The following MCHR2 variants were observed in gnomAD, a reference collection of about 807,000 sequenced individuals.
MCHR2 encodes melanin-concentrating hormone receptor 2.
A neutral mutation model predicts 24.8 loss-of-function variants in MCHR2; 15 were observed. That is an observed-to-expected ratio of 0.60 (90% CI 0.40 to 0.93). MCHR2 has a LOEUF of 0.93. Among genes scored for constraint, MCHR2 ranks in the 40% least tolerant of loss-of-function variants. The probability of loss-of-function intolerance (pLI) is 0.00; values close to 1 mark genes in which losing one functional copy is unlikely to be tolerated. For missense variants in MCHR2, 386 were observed against 408.7 expected (o/e 0.94, Z 0.48); for synonymous variants, 151 against 147.6 (o/e 1.02, Z -0.17).
At chr6:99,931,686 C>T (rs4636037) in intron 5 of MCHR2, among the ~76,000 whole-genome samples, 24,875 of 152,084 alleles carry the variant, frequency 0.16, 2,199 homozygotes, top group Middle Eastern at 0.18. Context: ...CTAAGCCCGT[C>T]GGAAAAGCGC....
chr6:99,972,750 T>C (rs1775455801), intron 1 of MCHR2, among the ~76,000 whole-genome samples: 4 of 152,224 alleles, frequency 2.6e-5, no homozygotes. Context: ...CCAGAGATTC[T>C]GGTATGTTGT....
At chr6:99,964,376 A>G (rs1317376566) in intron 1 of MCHR2, among the ~76,000 whole-genome samples, 1 of 152,154 alleles carries the variant, frequency 6.6e-6, no homozygotes, top group Non-Finnish European at 1.5e-5. Flanking sequence ...TGTTATCACA[A>G]TGCTATGAAG....
intron 1 of MCHR2, among the ~76,000 whole-genome samples, chr6:99,957,011 A>T (rs1775076981): frequency 6.6e-6 from 1 of 151,942 alleles, no homozygotes; most frequent in Admixed American, 6.6e-5. Flanking sequence ...GCAACTTAAA[A>T]ATACTCAAGG....
chr6:99,959,508 C>T (rs568798811), intron 1 of MCHR2, among the ~76,000 whole-genome samples: 1 of 151,258 alleles, frequency 6.6e-6, no homozygotes, highest in South Asian at 2.1e-4. Context: ...ATCAAATGAG[C>T]CAAGTAAATT....
chr6:99,975,592 G>A (rs1775533073), intron 1 of MCHR2, among the ~76,000 whole-genome samples: 2 of 152,218 alleles, frequency 1.3e-5, no homozygotes, highest in Admixed American at 6.5e-5. Flanking sequence ...TGCACCCACT[G>A]TCTGGCACTC....
intron 1 of MCHR2, among the ~76,000 whole-genome samples, chr6:99,977,844 T>C (rs1195501314): frequency 6.6e-6 from 1 of 152,212 alleles, no homozygotes; most frequent in Non-Finnish European, 1.5e-5. Context: ...AGGCTACTGC[T>C]AGCTAATTCA....
intron 1 of MCHR2, among the ~76,000 whole-genome samples, chr6:99,959,153 G>T (rs1421379413): frequency 6.6e-6 from 1 of 152,068 alleles, no homozygotes; most frequent in Non-Finnish European, 1.5e-5. Flanking sequence ...TACTCTGGAT[G>T]CCTGGAAGGC....
At chr6:99,971,525 C>G (rs1350887949) in intron 1 of MCHR2, among the ~76,000 whole-genome samples, 1 of 152,178 alleles carries the variant, frequency 6.6e-6, no homozygotes, top group Non-Finnish European at 1.5e-5. Context: ...ATTTGACTTC[C>G]TCTTTTCCTA....
intron 5 of MCHR2, among the ~76,000 whole-genome samples, chr6:99,925,713 C>A (rs895742978): frequency 4.6e-5 from 7 of 151,878 alleles, no homozygotes; most frequent in Admixed American, 1.3e-4. Flanking sequence ...TTTGTACCCC[C>A]AATTTTTAAC....
At chr6:99,950,889 G>A (rs1183234114) in intron 2 of MCHR2, among the ~76,000 whole-genome samples, 1 of 152,096 alleles carries the variant, frequency 6.6e-6, no homozygotes, top group East Asian at 1.9e-4. Flanking sequence ...TACGCATGTA[G>A]GCTGCTGTGC....
chr6:99,986,134 T>TACC (rs1177370218), intron 1 of MCHR2, among the ~76,000 whole-genome samples: 3 of 152,044 alleles, frequency 2.0e-5, no homozygotes, highest in African/African-American at 7.2e-5. Context: ...ATACCACTTA[T>TACC]ACCAGCCAGA....
intron 5 of MCHR2, among the ~76,000 whole-genome samples, chr6:99,921,996 CAT>C (rs199814468): frequency 0.03 from 4,589 of 152,186 alleles, 95 homozygotes; most frequent in Middle Eastern, 0.055. Context: ...ATTGTGTACA[CAT>C]ATCACATTAT....
At chr6:99,924,725 T>C (rs1774313484) in intron 5 of MCHR2, among the ~76,000 whole-genome samples, 1 of 152,114 alleles carries the variant, frequency 6.6e-6, no homozygotes, top group African/African-American at 2.4e-5. Flanking sequence ...TTCCTCTTGT[T>C]ATTGATTTAC....
At chr6:99,946,145 A>G (rs1016919440) in intron 3 of MCHR2, among the ~76,000 whole-genome samples, 1 of 152,008 alleles carries the variant, frequency 6.6e-6, no homozygotes, top group Non-Finnish European at 1.5e-5. Context: ...TCACTTTTCT[A>G]CAGTGAGCCT....
intron 1 of MCHR2, among the ~76,000 whole-genome samples, chr6:99,974,222 C>G (rs1775498936): frequency 6.6e-6 from 1 of 152,146 alleles, no homozygotes; most frequent in Non-Finnish European, 1.5e-5. Context: ...TTGGTCTTTT[C>G]ACATAGTCCC....
In MCHR2 at chr6:99,977,717, C is replaced by T. The variant is rs1208729542; in HGVS notation, c.-28+16219G>A. Among the ~76,000 whole-genome samples, 3 of 151,890 alleles carry T rather than the reference C, an allele frequency of 2.0e-5. No homozygotes were observed. The East Asian group carries it at 5.8e-4, about 30-fold the overall frequency. On this transcript the variant is annotated intron_variant, in intron 1 of 5. Coordinates refer to ENST00000281806, the MANE Select transcript of MCHR2 (RefSeq NM_001040179.2). ...TGGCTACTATGCCTAGTGGATAAGT[C>T]GGTTCCACTTATTCTTATCCTTTAA...
chr6:99,958,149 G>A (rs1048338107), intron 1 of MCHR2, among the ~76,000 whole-genome samples: 1 of 151,914 alleles, frequency 6.6e-6, no homozygotes, highest in Admixed American at 6.6e-5. Context: ...AATAGGTCAA[G>A]GAAACATTAA....
intron 4 of MCHR2, among the ~76,000 whole-genome samples, chr6:99,939,890 T>G (rs1774739327): frequency 2.1e-5 from 2 of 94,658 alleles, no homozygotes; most frequent in Admixed American, 2.2e-4. Flanking sequence ...TTTTTTTTTT[T>G]TCAGTTTGAG....
intron 1 of MCHR2, among the ~76,000 whole-genome samples, chr6:99,961,376 T>G (rs1775183570): frequency 6.6e-6 from 1 of 152,122 alleles, no homozygotes; most frequent in Non-Finnish European, 1.5e-5. Context: ...CAAAGGATTA[T>G]AAATCATTCT....
Sources: allele counts gnomAD v4.1 joint callset (sites outside exome capture counted in the v4.1 genomes callset), GRCh38; gene constraint gnomAD v4.1.1; transcripts MANE v1.5; gene names NCBI Gene and HGNC (gene_info 2026-07-23, HGNC 2026-07-21).